GPHN: variants seen among roughly 807,000 people sequenced by gnomAD.
The protein encoded by GPHN is gephyrin.
Under a neutral mutation model 95.5 loss-of-function variants are expected in GPHN, and 17 were observed. The ratio of observed to expected loss-of-function variants is 0.18; its 90% confidence interval spans 0.12 to 0.27. GPHN has a LOEUF of 0.27. Ranked by LOEUF, GPHN falls within the 10% of genes least tolerant of loss-of-function variation. The probability of loss-of-function intolerance (pLI) is 1.00; values close to 1 mark genes in which losing one functional copy is unlikely to be tolerated. For missense variants in GPHN, 660 were observed against 978.1 expected (o/e 0.67, Z 4.34); for synonymous variants, 320 against 322.5 (o/e 0.99, Z 0.08).
At chr14:66,829,389 G>C (rs2061500732) in intron 4 of GPHN, among the ~76,000 whole-genome samples, 1 of 151,784 alleles carries the variant, frequency 6.6e-6, no homozygotes, top group Non-Finnish European at 1.5e-5. Flanking sequence ...TGCCTGGCCA[G>C]ATTTCATTTT....
At chr14:67,203,967 C>T in the GPHN span, among the ~76,000 whole-genome samples, 1 of 152,218 alleles carries the variant, frequency 6.6e-6, no homozygotes, top group Non-Finnish European at 1.5e-5. Context: ...CCGCCTTGGC[C>T]TCCCAAAGTG....
intron 2 of GPHN, among the ~76,000 whole-genome samples, chr14:66,700,994 A>T (rs897646578): frequency 1.3e-5 from 2 of 152,194 alleles, no homozygotes; most frequent in African/African-American, 4.8e-5. Context: ...TTGCTTATGA[A>T]GCTACCAAAG....
intron 18 of GPHN, 71 bp from the exon 19 acceptor site, chr14:67,159,344 G>T: frequency 2.3e-6 from 2 of 886,336 alleles, no homozygotes. Flanking sequence ...TTAATTTAAT[G>T]TTCATTTAAA....
chr14:66,873,992 C>T (rs1359414611), intron 4 of GPHN, among the ~76,000 whole-genome samples: 5 of 152,212 alleles, frequency 3.3e-5, no homozygotes, highest in African/African-American at 1.2e-4. Flanking sequence ...ACAGACATGT[C>T]ATACAGGAGA....
At chr14:67,626,566 G>T in the GPHN span, among the ~76,000 whole-genome samples, 5 of 152,236 alleles carry the variant, frequency 3.3e-5, no homozygotes, top group Middle Eastern at 3.4e-3. Context: ...AGGCTGGAGT[G>T]CAGTGGTGCA....
At chr14:66,930,532 T>TTG (rs1453678242) in intron 8 of GPHN, among the ~76,000 whole-genome samples, 2 of 150,780 alleles carry the variant, frequency 1.3e-5, no homozygotes, top group Non-Finnish European at 3.0e-5. Context: ...TAGGTTTTTT[T>TTG]TTTTTTTTTT....
chr14:67,644,383 C>A, the GPHN span, among the ~76,000 whole-genome samples: 1 of 152,196 alleles, frequency 6.6e-6, no homozygotes, highest in African/African-American at 2.4e-5. Flanking sequence ...TCTTCAGTCA[C>A]ACAGCTCTTC....
chr14:67,397,663 G>A, the GPHN span: 30 of 1,609,022 alleles, frequency 1.9e-5, no homozygotes, highest in African/African-American at 1.2e-4. Context: ...ATCACTTACC[G>A]GTCGGTTTTC....
At chr14:67,700,894 G>A in the GPHN span, among the ~76,000 whole-genome samples, 1 of 150,690 alleles carries the variant, frequency 6.6e-6, no homozygotes, top group South Asian at 2.1e-4. Context: ...GCACGGCGGC[G>A]AATGCCTCTA....
Position 66,938,380 on chromosome 14 carries a change from T to C in GPHN, c.828+14088T>C, listed in dbSNP as rs1340245553. Among the ~76,000 whole-genome samples the C allele has an allele frequency of 7.9e-5, 12 of 152,146 alleles. No individual in the cohort carries two copies. In the East Asian group the frequency reaches 2.3e-3, roughly 29 times the overall value. On this transcript the variant is annotated intron_variant, in intron 8 of 22. Transcript: ENST00000478722. The stretch of plus-strand genomic sequence containing the variant: ...AGAGCTTCCTCATGTATCCAGAAAA[T>C]AGAACATTTAAAACAACCAGTGTCA...
Position 67,148,558 on chromosome 14 carries a change from C to CTTT in GPHN, c.1836+5127_1836+5129dup, listed in dbSNP as rs368140123. The stretch of plus-strand genomic sequence containing the variant: ...CATAATAATTTTAAGACTTTATTTG[C>CTTT]TTTTTTTTTTTTTTTTTTTTGAGAC... On this transcript the variant is annotated intron_variant, in intron 18 of 22. Transcript: ENST00000478722. 8.3e-4 allele frequency among the ~76,000 whole-genome samples: 91 copies of CTTT among 109,048 alleles called. 1 individual carries two copies. Among genetic ancestry groups the CTTT allele is most frequent in the African/African-American group, 2.0e-3 (52 of 26,020 alleles). 71.5% of individuals were successfully genotyped at this position (109,048 alleles called of 152,430 possible).
chr14:66,765,435 T>C (rs891868743), intron 2 of GPHN, among the ~76,000 whole-genome samples: 5 of 152,124 alleles, frequency 3.3e-5, no homozygotes, highest in African/African-American at 4.8e-5. Flanking sequence ...AGTGGTAGAC[T>C]GGATAAAGGA....
At chr14:67,051,724 C>A (rs1453419235) in intron 10 of GPHN, among the ~76,000 whole-genome samples, 2 of 152,150 alleles carry the variant, frequency 1.3e-5, no homozygotes, top group African/African-American at 4.8e-5. Context: ...GGCCAGGTTA[C>A]CTATAAAGGG....
the GPHN span, among the ~76,000 whole-genome samples, chr14:67,640,671 C>T: frequency 6.6e-6 from 1 of 152,188 alleles, no homozygotes. Flanking sequence ...AATACCAGGA[C>T]CCTAAGAATA....
the GPHN span, among the ~76,000 whole-genome samples, chr14:67,371,797 CTGA>C: frequency 6.6e-6 from 1 of 152,142 alleles, no homozygotes. Context: ...CATCATAACC[CTGA>C]TAAGAAAACC....
chr14:66,815,268 C>G (rs950884213), intron 3 of GPHN, among the ~76,000 whole-genome samples: 3 of 152,116 alleles, frequency 2.0e-5, no homozygotes, highest in African/African-American at 7.2e-5. Flanking sequence ...ATGAGAACTT[C>G]CCCAACCTAG....
intron 1 of GPHN, among the ~76,000 whole-genome samples, chr14:66,551,397 T>C (rs768649991): frequency 5.3e-5 from 8 of 152,212 alleles, no homozygotes; most frequent in Non-Finnish European, 1.0e-4. Context: ...TGGTCTTAAA[T>C]ATCTGTGTTT....
intron 13 of GPHN, among the ~76,000 whole-genome samples, chr14:67,107,336 G>A (rs986554132): frequency 2.0e-5 from 3 of 152,136 alleles, no homozygotes; most frequent in African/African-American, 4.8e-5. Context: ...CAAGGCTCAG[G>A]GTCTTGTGAA....
At position 66,558,743 on chromosome 14, in the gene GPHN, T is replaced by C. The variant is rs903152244; in HGVS notation, c.64+50152T>C. Among the ~76,000 whole-genome samples the C allele has an allele frequency of 5.1e-4, 77 of 152,052 alleles. 6 individuals are homozygous for C. ...GCTTTTCTTTTTTATTATTTTATTT[T>C]ATTATTATTATACTTTAAGTTTTAG... On this transcript the variant is annotated intron_variant, in intron 1 of 22. Transcript: ENST00000478722.
Sources: allele counts gnomAD v4.1 joint callset (sites outside exome capture counted in the v4.1 genomes callset), GRCh38; gene constraint gnomAD v4.1.1; transcripts MANE v1.5; gene names NCBI Gene and HGNC (gene_info 2026-07-23, HGNC 2026-07-21).